Variants in AGBL4 observed in about 807,000 individuals in gnomAD.
AGBL4 encodes cytosolic carboxypeptidase 6.
In AGBL4, 58 loss-of-function variants were observed where a neutral mutation model predicts 66.4. That is an observed-to-expected ratio of 0.87 (90% CI 0.71 to 1.09). The LOEUF is 1.09. Ranked by LOEUF, AGBL4 falls within the 50% of genes least tolerant of loss-of-function variation. The pLI is 0.00. For missense variants in AGBL4, 579 were observed against 631.0 expected (o/e 0.92, Z 0.88); for synonymous variants, 234 against 222.9 (o/e 1.05, Z -0.44).
intron 6 of AGBL4, among the ~76,000 whole-genome samples, chr1:48,687,778 G>A (rs980161629): frequency 2.0e-5 from 3 of 152,164 alleles, no homozygotes; most frequent in African/African-American, 7.2e-5. Flanking sequence ...GGCAGGCCCT[G>A]GACCAGCACC....
At chr1:48,542,637 C>G (rs534243727) in intron 11 of AGBL4, among the ~76,000 whole-genome samples, 6 of 152,148 alleles carry the variant, frequency 3.9e-5, no homozygotes, top group African/African-American at 9.7e-5. Flanking sequence ...GCATAAATTT[C>G]TTCTTTGGAG....
At chr1:49,737,142 T>A (rs899505060) in intron 2 of AGBL4, among the ~76,000 whole-genome samples, 1 of 152,114 alleles carries the variant, frequency 6.6e-6, no homozygotes, top group African/African-American at 2.4e-5. Flanking sequence ...TCAAAGAATT[T>A]AAAAAAGAGC....
At chr1:49,273,183 G>A (rs1304300246) in intron 3 of AGBL4, among the ~76,000 whole-genome samples, 2 of 152,002 alleles carry the variant, frequency 1.3e-5, no homozygotes, top group Non-Finnish European at 2.9e-5. Flanking sequence ...TCCACCAGAC[G>A]TTGTCTTTAT....
intron 11 of AGBL4, 41 bp downstream of exon 11, chr1:48,586,963 G>A: frequency 6.2e-7 from 1 of 1,607,090 alleles, no homozygotes; most frequent in South Asian, 1.1e-5. Context: ...ACTCTCGGCT[G>A]GATGAGGGCT....
In AGBL4 at chr1:48,777,842, A is replaced by G. The variant is rs550353004; in HGVS notation, c.634+89349T>C. ...GCCCAAGGCTAGGGATTTCTGGAGC[A>G]CTTTGAAGAGTACAGGAATAGTACT... is the stretch of plus-strand genomic sequence containing the variant. On this transcript the variant is annotated intron_variant, in intron 6 of 13. Coordinates refer to ENST00000371839, the MANE Select transcript of AGBL4 (RefSeq NM_032785.4). Among the ~76,000 whole-genome samples the G allele has an allele frequency of 3.9e-5, 6 of 152,266 alleles. No homozygotes were observed. The East Asian group carries it at 7.7e-4, about 20-fold the overall frequency.
At chr1:49,880,703 C>A (rs372316385) in intron 1 of AGBL4, among the ~76,000 whole-genome samples, 6 of 152,274 alleles carry the variant, frequency 3.9e-5, no homozygotes, top group East Asian at 1.9e-4. Flanking sequence ...TTGAGCTTCC[C>A]GGCTGCTTTG....
At chr1:49,400,036 G>A (rs939206778) in intron 3 of AGBL4, among the ~76,000 whole-genome samples, 4 of 151,974 alleles carry the variant, frequency 2.6e-5, no homozygotes, top group Non-Finnish European at 5.9e-5. Flanking sequence ...GTGAAGCATA[G>A]GTCACCATAT....
chr1:49,404,743 TG>T (rs1457690644), intron 3 of AGBL4, among the ~76,000 whole-genome samples: 1 of 152,240 alleles, frequency 6.6e-6, no homozygotes, highest in African/African-American at 2.4e-5. Context: ...TAATAATTTT[TG>T]TCAAGTTCTA....
intron 2 of AGBL4, among the ~76,000 whole-genome samples, 187 bp from the exon 3 acceptor site, chr1:49,697,624 G>A (rs1236089055): frequency 1.3e-5 from 2 of 152,204 alleles, no homozygotes; most frequent in South Asian, 2.1e-4. Context: ...CTTTCATCTA[G>A]GCCAGGCTGT....
At chr1:48,618,343 C>T (rs375279532) in intron 9 of AGBL4, among the ~76,000 whole-genome samples, 13 of 152,222 alleles carry the variant, frequency 8.5e-5, no homozygotes, top group South Asian at 2.1e-4. Flanking sequence ...ACAAGACCCA[C>T]GTGCTAGTGA....
At chr1:49,468,830 A>G (rs777861001) in intron 3 of AGBL4, among the ~76,000 whole-genome samples, 3 of 151,870 alleles carry the variant, frequency 2.0e-5, no homozygotes, top group Non-Finnish European at 4.4e-5. Flanking sequence ...TAAGCATTGT[A>G]TGTGTATATA....
At chr1:48,651,347 C>T (rs1645926915) in intron 8 of AGBL4, among the ~76,000 whole-genome samples, 2 of 152,076 alleles carry the variant, frequency 1.3e-5, no homozygotes, top group South Asian at 2.1e-4. Context: ...CATCTAAAGC[C>T]CTGAGAGGGG....
intron 3 of AGBL4, among the ~76,000 whole-genome samples, chr1:49,325,185 G>C (rs564148597): frequency 6.6e-6 from 1 of 152,130 alleles, no homozygotes; most frequent in Non-Finnish European, 1.5e-5. Context: ...ACCACGCCCA[G>C]CTAATTTCTT....
rs1369201855 is a variant in AGBL4, at chr1:49,023,211, C to T, written c.594+22373G>A. On this transcript the variant is annotated intron_variant, in intron 5 of 13. Transcript: ENST00000371839. ...CAGGAAGGTATGCTGAGAGTATGTT[C>T]TACCTTGAGGCCTGGAGGCCCCATG... 3.3e-5 allele frequency among the ~76,000 whole-genome samples: 5 copies of T among 152,120 alleles called. No individual in the cohort carries two copies. In the South Asian group the frequency reaches 8.3e-4, roughly 25 times the overall value.
At chr1:49,575,598 T>C (rs749192783) in intron 3 of AGBL4, among the ~76,000 whole-genome samples, 11 of 152,348 alleles carry the variant, frequency 7.2e-5, no homozygotes, top group Non-Finnish European at 1.2e-4. Context: ...AGAAGACAGA[T>C]GGATATTGGA....
chr1:49,178,696 T>C (rs1397024800), intron 4 of AGBL4, among the ~76,000 whole-genome samples: 1 of 152,196 alleles, frequency 6.6e-6, no homozygotes, highest in African/African-American at 2.4e-5. Context: ...CTTTGTGCCT[T>C]GATCACTGCT....
intron 1 of AGBL4, among the ~76,000 whole-genome samples, chr1:49,960,066 A>G (rs1269843979): frequency 1.3e-5 from 2 of 152,090 alleles, no homozygotes. Flanking sequence ...CCTAGAGGGT[A>G]CTATGCTTAT....
intron 6 of AGBL4, among the ~76,000 whole-genome samples, chr1:48,780,449 A>G (rs544444415): frequency 2.0e-5 from 3 of 152,264 alleles, no homozygotes; most frequent in South Asian, 2.1e-4. Context: ...ATATGGAACC[A>G]AAAAAGAGCC....
At chr1:49,117,601 C>T (rs1645554724) in intron 4 of AGBL4, among the ~76,000 whole-genome samples, 1 of 152,158 alleles carries the variant, frequency 6.6e-6, no homozygotes, top group South Asian at 2.1e-4. Context: ...GTACTACTAC[C>T]ATGCTATTTT....
Sources: gnomAD v4.1 joint callset for allele counts (sites outside exome capture counted in the v4.1 genomes callset) on GRCh38, gnomAD v4.1.1 for gene constraint, MANE v1.5 for transcripts, NCBI Gene and HGNC (gene_info 2026-07-23, HGNC 2026-07-21) for gene names.